The following CDH13 variants were observed in gnomAD, a reference collection of about 807,000 sequenced individuals.
The protein encoded by CDH13 is cadherin-13.
Under a neutral mutation model 63.8 loss-of-function variants are expected in CDH13, and 24 were observed. The ratio of observed to expected loss-of-function variants is 0.38; its 90% CI spans 0.27 to 0.53. The LOEUF (loss-of-function observed/expected upper bound fraction) is 0.53, where lower values mean the gene tolerates loss of function less well. Among genes scored for constraint, CDH13 ranks in the 20% least tolerant of loss-of-function variants. The probability of loss-of-function intolerance (pLI) is 0.85; values close to 1 mark genes in which losing one functional copy is unlikely to be tolerated. For missense variants in CDH13, 1,049 were observed against 903.1 expected, an observed-to-expected ratio of 1.16 and a Z score of -2.07; for synonymous variants, 503 against 355.3, an observed-to-expected ratio of 1.42 and a Z score of -4.67.
intron 1 of CDH13, among the ~76,000 whole-genome samples, chr16:82,750,371 T>G (rs1474813077): frequency 6.6e-6 from 1 of 152,198 alleles, no homozygotes; most frequent in East Asian, 1.9e-4. Context: ...CCCAAGTGTG[T>G]GCCTCTACCA....
At chr16:83,377,161 A>G (rs2091474946) in intron 6 of CDH13, among the ~76,000 whole-genome samples, 1 of 152,188 alleles carries the variant, frequency 6.6e-6, no homozygotes, top group African/African-American at 2.4e-5. Flanking sequence ...TAAACACGAT[A>G]AAAGTGACAA....
chr16:83,399,995 C>G (rs942914104), intron 6 of CDH13, among the ~76,000 whole-genome samples: 1 of 152,172 alleles, frequency 6.6e-6, no homozygotes, highest in Non-Finnish European at 1.5e-5. Context: ...ATTATTAATC[C>G]TCTAGAATTG....
chr16:83,116,886 G>C (rs1597366644), intron 3 of CDH13, among the ~76,000 whole-genome samples: 1 of 152,324 alleles, frequency 6.6e-6, no homozygotes, highest in South Asian at 2.1e-4. Flanking sequence ...TGCATTGTGG[G>C]AGGAGCCTGA....
intron 1 of CDH13, among the ~76,000 whole-genome samples, chr16:82,791,057 G>T (rs2036272612): frequency 6.6e-6 from 1 of 152,172 alleles, no homozygotes; most frequent in Admixed American, 6.5e-5. Flanking sequence ...CTAACACAGT[G>T]AAATTCCGTC....
At chr16:83,786,174 G>A (rs1323826132) in intron 13 of CDH13, among the ~76,000 whole-genome samples, 1 of 152,178 alleles carries the variant, frequency 6.6e-6, no homozygotes, top group Non-Finnish European at 1.5e-5. Context: ...ATGTGAACCA[G>A]ACAGGAAGTT....
chr16:83,416,170 A>G (rs1049069229), intron 6 of CDH13, among the ~76,000 whole-genome samples: 2 of 152,222 alleles, frequency 1.3e-5, no homozygotes, highest in Admixed American at 6.5e-5. Context: ...AGAATAAAAT[A>G]CACAGTCATA....
At chr16:83,014,804 G>GTGTATATA (rs1914572613) in intron 2 of CDH13, among the ~76,000 whole-genome samples, 3 of 52,720 alleles carry the variant, frequency 5.7e-5, no homozygotes, top group African/African-American at 2.5e-4. Context: ...ATATATATAT[G>GTGTATATA]TATATATATT....
chr16:83,621,627 C>A (rs925759537), intron 8 of CDH13, among the ~76,000 whole-genome samples: 1 of 151,722 alleles, frequency 6.6e-6, no homozygotes, highest in African/African-American at 2.4e-5. Flanking sequence ...GCTGGAATTA[C>A]AGGCATGTGC....
At chr16:82,995,715 A>G (rs1371234132) in intron 2 of CDH13, among the ~76,000 whole-genome samples, 1 of 152,188 alleles carries the variant, frequency 6.6e-6, no homozygotes, top group Admixed American at 6.5e-5. Flanking sequence ...CTCCCCAGTT[A>G]TACAACTTCT....
intron 1 of CDH13, among the ~76,000 whole-genome samples, chr16:82,840,040 TA>T (rs1330812561): frequency 6.6e-6 from 1 of 152,192 alleles, no homozygotes; most frequent in Non-Finnish European, 1.5e-5. Flanking sequence ...TCCTTCAAAC[TA>T]TTTCAGCTCA....
At chr16:83,172,243 C>G (rs1485970816) in intron 4 of CDH13, among the ~76,000 whole-genome samples, 1 of 152,126 alleles carries the variant, frequency 6.6e-6, no homozygotes, top group African/African-American at 2.4e-5. Flanking sequence ...GTAATCCCAG[C>G]ACTTTGGGAG....
At chr16:83,435,165 G>T (rs112993323) in intron 6 of CDH13, among the ~76,000 whole-genome samples, 7,851 of 151,718 alleles carry the variant, frequency 0.052, 214 homozygotes, top group South Asian at 0.095. Context: ...TCCTGCCTCA[G>T]CCACCTGAGT....
At chr16:83,679,763 G>A (rs552121565) in intron 10 of CDH13, among the ~76,000 whole-genome samples, 2 of 152,362 alleles carry the variant, frequency 1.3e-5, no homozygotes, top group South Asian at 4.1e-4. Context: ...GATGTCTCCA[G>A]GTGAGCTTAA....
intron 3 of CDH13, among the ~76,000 whole-genome samples, chr16:83,034,177 C>T (rs983363992): frequency 2.6e-5 from 4 of 152,082 alleles, no homozygotes; most frequent in African/African-American, 7.2e-5. Flanking sequence ...TCACCGTGCT[C>T]GTGGCAGATA....
chr16:83,392,903 G>A (rs979618696), intron 6 of CDH13, among the ~76,000 whole-genome samples: 20 of 151,460 alleles, frequency 1.3e-4, no homozygotes, highest in Non-Finnish European at 2.4e-4. Context: ...ATCTGGGTCA[G>A]GCAAGAGGCT....
chr16:83,238,736 GTTTT>G (rs933775657), intron 5 of CDH13, among the ~76,000 whole-genome samples: 30 of 77,076 alleles, frequency 3.9e-4, no homozygotes, highest in East Asian at 1.9e-3. Context: ...CTCCATATGT[GTTTT>G]TTTGTTTGTT....
chr16:83,096,735 T>G (rs1049229380), intron 3 of CDH13, among the ~76,000 whole-genome samples: 2 of 152,200 alleles, frequency 1.3e-5, no homozygotes, highest in African/African-American at 4.8e-5. Flanking sequence ...GTAACAATAC[T>G]GTCGTAATTA....
At chr16:83,399,416 C>G (rs943260666) in intron 6 of CDH13, among the ~76,000 whole-genome samples, 2 of 152,168 alleles carry the variant, frequency 1.3e-5, no homozygotes, top group Non-Finnish European at 2.9e-5. Context: ...AAATTTTCGT[C>G]CAAAGTGTAT....
intron 6 of CDH13, among the ~76,000 whole-genome samples, chr16:83,375,542 G>A (rs1437986380): frequency 6.6e-6 from 1 of 152,204 alleles, no homozygotes; most frequent in Non-Finnish European, 1.5e-5. Context: ...CTTTAATGGA[G>A]CTGAGGGTGG....
Sources: gnomAD v4.1 joint callset for allele counts (sites outside exome capture counted in the v4.1 genomes callset) on GRCh38, gnomAD v4.1.1 for gene constraint, MANE v1.5 for transcripts, NCBI Gene and HGNC (gene_info 2026-07-23, HGNC 2026-07-21) for gene names.